Variants in CACNA2D3 observed in about 807,000 individuals in gnomAD.
CACNA2D3 encodes voltage-dependent calcium channel subunit alpha-2/delta-3.
CACNA2D3 carries 60 observed loss-of-function variants against 160.6 expected under a neutral mutation model. The ratio of observed to expected loss-of-function variants is 0.37; its 90% CI spans 0.30 to 0.46. The LOEUF is 0.46. Among genes scored for constraint, CACNA2D3 ranks in the 20% least tolerant of loss-of-function variants. The pLI, the probability that CACNA2D3 is intolerant of heterozygous loss-of-function variation, is 1.00. For synonymous variants in CACNA2D3, 558 were observed against 492.9 expected (o/e 1.13, Z -1.75); for missense variants, 1,205 against 1,365.0 (o/e 0.88, Z 1.85).
At chr3:54,889,328 C>G (rs1214085273) in intron 24 of CACNA2D3, among the ~76,000 whole-genome samples, 1 of 152,116 alleles carries the variant, frequency 6.6e-6, no homozygotes, top group Non-Finnish European at 1.5e-5. Context: ...GTGTGGAGAA[C>G]AGAGGGTGAT....
chr3:54,667,370 G>T (rs1700085564), intron 11 of CACNA2D3, among the ~76,000 whole-genome samples: 1 of 152,168 alleles, frequency 6.6e-6, no homozygotes. Context: ...TCCATAATCT[G>T]TAACCACCCT....
chr3:54,270,814 T>A (rs1378456554), intron 2 of CACNA2D3, among the ~76,000 whole-genome samples: 3 of 152,232 alleles, frequency 2.0e-5, no homozygotes, highest in Non-Finnish European at 4.4e-5. Flanking sequence ...ATCTTGCAGC[T>A]CCTTCAGGCT....
chr3:54,672,169 T>G (rs2106899781), intron 11 of CACNA2D3, among the ~76,000 whole-genome samples: 1 of 152,338 alleles, frequency 6.6e-6, no homozygotes, highest in Middle Eastern at 3.4e-3. Flanking sequence ...TTTTTTAAGG[T>G]TTCCATTTGC....
chr3:54,712,939 C>G (rs180968176), intron 11 of CACNA2D3, among the ~76,000 whole-genome samples: 120 of 152,282 alleles, frequency 7.9e-4, no homozygotes, highest in African/African-American at 2.7e-3. Flanking sequence ...CTTAATTCCC[C>G]TTTGTCATAT....
chr3:55,051,121 A>T lies in CACNA2D3; in HGVS notation c.2988-22324A>T, dbSNP rs554698665. Among the ~76,000 whole-genome samples, 690 of 152,186 alleles carry T rather than the reference A, an allele frequency of 4.5e-3. 10 individuals carry two copies. The highest frequency in any genetic ancestry group is 0.016 in the African/African-American group (655 of 41,510). On this transcript the variant is annotated intron_variant, in intron 35 of 37. Transcript: ENST00000474759. ...TCTCAGCTCGTCAAAGTCATTCTCC[A>T]TCCAGCTTTGTTCCATTGCTGGTGA...
chr3:54,728,827 A>T (rs1701327003), intron 11 of CACNA2D3, among the ~76,000 whole-genome samples: 1 of 152,144 alleles, frequency 6.6e-6, no homozygotes, highest in African/African-American at 2.4e-5. Flanking sequence ...CTCCTTGGTG[A>T]GGGCTTAACT....
At chr3:54,378,792 C>T (rs1446011997) in intron 3 of CACNA2D3, among the ~76,000 whole-genome samples, 4 of 152,222 alleles carry the variant, frequency 2.6e-5, no homozygotes, top group Non-Finnish European at 5.9e-5. Flanking sequence ...TGCCTTGGTC[C>T]TTGGGCAGCC....
intron 34 of CACNA2D3, among the ~76,000 whole-genome samples, chr3:55,014,988 T>A (rs570182190): frequency 6.6e-6 from 1 of 152,320 alleles, no homozygotes; most frequent in Admixed American, 6.5e-5. Context: ...CAACGGTTTA[T>A]CACTATATCA....
intron 10 of CACNA2D3, among the ~76,000 whole-genome samples, chr3:54,636,257 G>A (rs1699368425): frequency 6.6e-6 from 1 of 152,006 alleles, no homozygotes; most frequent in South Asian, 2.1e-4. Flanking sequence ...AGCGTGATCA[G>A]GGTGAGGAAC....
At chr3:54,324,140 G>A (rs931401959) in intron 3 of CACNA2D3, among the ~76,000 whole-genome samples, 2 of 152,090 alleles carry the variant, frequency 1.3e-5, no homozygotes, top group Admixed American at 6.6e-5. Context: ...CAATAACCTC[G>A]TCCTTTAATG....
intron 2 of CACNA2D3, among the ~76,000 whole-genome samples, chr3:54,201,821 G>A (rs1701184477): frequency 6.6e-6 from 1 of 152,136 alleles, no homozygotes; most frequent in Non-Finnish European, 1.5e-5. Flanking sequence ...GTTGGACAAA[G>A]GTATAAAAAC....
At chr3:54,590,981 TG>T (rs2106755373) in intron 9 of CACNA2D3, among the ~76,000 whole-genome samples, 1 of 152,276 alleles carries the variant, frequency 6.6e-6, no homozygotes, top group East Asian at 1.9e-4. Context: ...TCTTTTTATT[TG>T]GAGAAAAGCT....
chr3:54,446,569 T>C (rs1219807537), intron 4 of CACNA2D3, among the ~76,000 whole-genome samples: 1 of 152,216 alleles, frequency 6.6e-6, no homozygotes, highest in Non-Finnish European at 1.5e-5. Flanking sequence ...GGTATTCACC[T>C]TTTATCATTT....
chr3:54,930,819 A>G (rs13319877), intron 27 of CACNA2D3, among the ~76,000 whole-genome samples: 8,781 of 152,242 alleles, frequency 0.058, 791 homozygotes, highest in African/African-American at 0.2. Flanking sequence ...ATCTTGGCCA[A>G]GCATGGTGGC....
At chr3:54,432,957 A>C (rs1420727575) in intron 4 of CACNA2D3, among the ~76,000 whole-genome samples, 1 of 152,196 alleles carries the variant, frequency 6.6e-6, no homozygotes, top group Admixed American at 6.5e-5. Flanking sequence ...GGGTCAAAAA[A>C]AAATTAAGTG....
chr3:54,475,520 T>A (rs1412936710), intron 4 of CACNA2D3, among the ~76,000 whole-genome samples: 1 of 144,464 alleles, frequency 6.9e-6, no homozygotes, highest in East Asian at 1.9e-4. Flanking sequence ...GTCAACATAC[T>A]TGGGAGGTCT....
rs144652831 is a variant in CACNA2D3, at chr3:54,128,315, GT to G, written c.204+4722del. On this transcript the variant is annotated intron_variant, in intron 2 of 37. Coordinates refer to ENST00000474759, the MANE Select transcript of CACNA2D3 (RefSeq NM_018398.3). ...TAGCCATATGTCAGCATGAGCAAAA[GT>G]AAAAGAAATGCGAAACCATCACACC... 9.1e-3 allele frequency among the ~76,000 whole-genome samples: 1,387 copies of G among 152,298 alleles called. 25 individuals carry two copies. The highest frequency in any genetic ancestry group is 0.032 in the African/African-American group (1,331 of 41,552).
chr3:54,558,684 C>T (rs1702277635), intron 5 of CACNA2D3, among the ~76,000 whole-genome samples: 1 of 152,098 alleles, frequency 6.6e-6, no homozygotes, highest in Admixed American at 6.6e-5. Context: ...GTTTTCTGTT[C>T]CTCTGTTAAT....
intron 11 of CACNA2D3, among the ~76,000 whole-genome samples, chr3:54,710,172 C>T (rs929173495): frequency 2.0e-5 from 3 of 152,108 alleles, no homozygotes; most frequent in Non-Finnish European, 4.4e-5. Context: ...ACAGTGGTTA[C>T]TGAGAAGTCA....
Sources: gnomAD v4.1 joint callset for allele counts (sites outside exome capture counted in the v4.1 genomes callset) on GRCh38, gnomAD v4.1.1 for gene constraint, MANE v1.5 for transcripts, NCBI Gene and HGNC (gene_info 2026-07-23, HGNC 2026-07-21) for gene names.